CYP7B1: variants seen among roughly 807,000 people sequenced by gnomAD.
CYP7B1 encodes the protein cytochrome P450 7B1.
CYP7B1 carries 29 observed loss-of-function variants against 42.7 expected under a neutral mutation model. The observed-to-expected ratio is 0.68, with a 90% CI of 0.51 to 0.93. The LOEUF (loss-of-function observed/expected upper bound fraction) is 0.93, where lower values mean the gene tolerates loss of function less well. CYP7B1 is among the 40% of genes least tolerant of loss of function. CYP7B1 has a pLI of 0.00. For synonymous variants in CYP7B1, 235 were observed against 218.2 expected (o/e 1.08, Z -0.68); for missense variants, 655 against 600.5 (o/e 1.09, Z -0.95).
At chr8:64,678,447 C>A (rs1259606644) in intron 1 of CYP7B1, among the ~76,000 whole-genome samples, 2 of 152,012 alleles carry the variant, frequency 1.3e-5, no homozygotes, top group Non-Finnish European at 1.5e-5. Flanking sequence ...AAGAAAGCAC[C>A]TAGTCTGATA....
chr8:64,748,769 G>T (rs1807684840), intron 1 of CYP7B1, among the ~76,000 whole-genome samples: 1 of 152,162 alleles, frequency 6.6e-6, no homozygotes, highest in Non-Finnish European at 1.5e-5. Context: ...CTGCACCCAT[G>T]ACTTCAACTA....
At chr8:64,647,865 T>A (rs1436832698) in intron 1 of CYP7B1, among the ~76,000 whole-genome samples, 1 of 152,112 alleles carries the variant, frequency 6.6e-6, no homozygotes, top group East Asian at 1.9e-4. Context: ...AAATAATATT[T>A]AATCTGGGTA....
chr8:64,632,263 A>T (rs914271780), intron 1 of CYP7B1, among the ~76,000 whole-genome samples: 2 of 152,176 alleles, frequency 1.3e-5, no homozygotes, highest in Non-Finnish European at 2.9e-5. Flanking sequence ...ATTCTGCAAT[A>T]TGAAGCAACA....
intron 1 of CYP7B1, among the ~76,000 whole-genome samples, chr8:64,766,869 G>A (rs953632018): frequency 2.0e-5 from 3 of 152,086 alleles, no homozygotes; most frequent in African/African-American, 7.2e-5. Context: ...TTGACAGCCA[G>A]GAGGTAAACT....
chr8:64,724,520 T>A (rs957104646), intron 1 of CYP7B1, among the ~76,000 whole-genome samples: 1 of 152,218 alleles, frequency 6.6e-6, no homozygotes, highest in Non-Finnish European at 1.5e-5. Context: ...ATTTTTACAA[T>A]GAGCCTGTAA....
chr8:64,702,208 C>T (rs938615256), intron 1 of CYP7B1, among the ~76,000 whole-genome samples: 7 of 151,918 alleles, frequency 4.6e-5, no homozygotes, highest in Non-Finnish European at 7.4e-5. Flanking sequence ...ATGAAAATAA[C>T]CTCTGCACTG....
At chr8:64,636,841 C>T (rs1805781481) in intron 1 of CYP7B1, among the ~76,000 whole-genome samples, 1 of 152,192 alleles carries the variant, frequency 6.6e-6, no homozygotes, top group African/African-American at 2.4e-5. Flanking sequence ...CGATTCATAA[C>T]TGAAGTTATT....
chr8:64,739,960 T>G (rs994080255), intron 1 of CYP7B1, among the ~76,000 whole-genome samples: 6 of 152,050 alleles, frequency 3.9e-5, no homozygotes, highest in African/African-American at 1.4e-4. Flanking sequence ...TATAGAGACC[T>G]TTTTCAGACA....
chr8:64,736,042 G>C (rs1198203390), intron 1 of CYP7B1, among the ~76,000 whole-genome samples: 2 of 152,062 alleles, frequency 1.3e-5, no homozygotes, highest in East Asian at 1.9e-4. Flanking sequence ...TTTATCTTCT[G>C]ACAACATCAA....
chr8:64,798,330 A>G (rs1429314575), intron 1 of CYP7B1, 136 bp downstream of exon 1: 10 of 1,294,614 alleles, frequency 7.7e-6, no homozygotes, highest in African/African-American at 1.6e-5. Flanking sequence ...CAAAGTCCCA[A>G]AGGAAGCCAG....
Position 64,596,718 on chromosome 8 carries a change from A to G in CYP7B1, c.1445T>C (p.Leu482Pro). The change falls in exon 6 of 6, where the codon CTA (leucine) becomes CCA (proline). Residue 482 changes from leucine to proline, a missense_variant. Physicochemically the swap from Leu to Pro is moderately conservative, Grantham distance 98. Coordinates refer to ENST00000310193, the MANE Select transcript of CYP7B1 (RefSeq NM_004820.5). ...LEIIDDKPIG[L>P]NYSRLLFGIQ... ...ACCAAACAACAAGCGGCTGTAGTTT[A>G]GTCCTATGGGCTTATCATCAATTAT... 1 of 1,613,790 alleles carries G rather than the reference A, an allele frequency of 6.2e-7. No individual in the cohort carries two copies. Among genetic ancestry groups the G allele is most frequent in the African/African-American group, 1.3e-5 (1 of 75,040 alleles).
chr8:64,706,102 G>A (rs911337929), intron 1 of CYP7B1, among the ~76,000 whole-genome samples: 3 of 151,932 alleles, frequency 2.0e-5, no homozygotes, highest in Non-Finnish European at 4.4e-5. Flanking sequence ...ACAGCATTAA[G>A]AGCCCCTCTA....
intron 1 of CYP7B1, among the ~76,000 whole-genome samples, chr8:64,692,784 T>C (rs1282749056): frequency 6.6e-6 from 1 of 152,226 alleles, no homozygotes; most frequent in Admixed American, 6.5e-5. Context: ...CTGGACCTGG[T>C]ACATTATAGA....
At chr8:64,590,661 A>T (rs1805022037), downstream of CYP7B1, among the ~76,000 whole-genome samples, 2 of 152,286 alleles carry the variant, frequency 1.3e-5, no homozygotes, top group Admixed American at 1.3e-4. Flanking sequence ...ATTGAAACAT[A>T]CTCTGAAATA....
chr8:64,661,923 C>T (rs1806204393), intron 1 of CYP7B1, among the ~76,000 whole-genome samples: 1 of 152,126 alleles, frequency 6.6e-6, no homozygotes, highest in African/African-American at 2.4e-5. Flanking sequence ...AAAATATTAA[C>T]AAGATTGTCT....
intron 1 of CYP7B1, among the ~76,000 whole-genome samples, chr8:64,697,055 A>G (rs762005106): frequency 2.3e-4 from 35 of 152,230 alleles, no homozygotes; most frequent in Non-Finnish European, 4.0e-4. Context: ...GGGGAAAAAA[A>G]GGGTTTTATC....
chr8:64,740,615 GA>G (rs532739820), intron 1 of CYP7B1, among the ~76,000 whole-genome samples: 2,551 of 141,788 alleles, frequency 0.018, 73 homozygotes, highest in African/African-American at 0.06. Flanking sequence ...AACAAGAAAA[GA>G]AAAAAAAAAC....
chr8:64,622,566 T>C (rs1805547422), intron 2 of CYP7B1, among the ~76,000 whole-genome samples: 1 of 152,112 alleles, frequency 6.6e-6, no homozygotes, highest in Non-Finnish European at 1.5e-5. Flanking sequence ...CTGGGAGATA[T>C]GCAACTAGAG....
chr8:64,615,715 C>T lies in CYP7B1; in HGVS notation c.826G>A (p.Val276Met), dbSNP rs1461473724. 1 of 1,613,644 alleles carries T rather than the reference C, an allele frequency of 6.2e-7. No homozygotes were observed. The highest frequency in any genetic ancestry group is 2.2e-5 in the East Asian group (1 of 44,852). ...SRQDVLEKYY[V>M]HEDLEIGAHH... Reference sequence around the variant, plus strand: ...CCTCCTATTTCAAGGTCCTCGTGCACATAATATTTCTCCAGGACATCTTGC... The same window carrying T: ...CCTCCTATTTCAAGGTCCTCGTGCATATAATATTTCTCCAGGACATCTTGC... Residue 276 changes from valine (V) to methionine (M), a missense_variant, in exon 3 of 6, where the codon GTG (valine) becomes ATG (methionine). Coordinates refer to ENST00000310193, the MANE Select transcript of CYP7B1 (RefSeq NM_004820.5).
Sources: allele counts gnomAD v4.1 joint callset (sites outside exome capture counted in the v4.1 genomes callset), GRCh38; gene constraint gnomAD v4.1.1; transcripts MANE v1.5; gene names NCBI Gene and HGNC (gene_info 2026-07-23, HGNC 2026-07-21).